The following SCN8A variants were observed in gnomAD, a reference collection of about 807,000 sequenced individuals.
SCN8A encodes the protein sodium voltage-gated channel alpha subunit 8.
A neutral mutation model predicts 184.1 loss-of-function variants in SCN8A; 30 were observed. The ratio of observed to expected loss-of-function variants is 0.16; its 90% CI spans 0.12 to 0.22. The LOEUF (loss-of-function observed/expected upper bound fraction) is 0.22. SCN8A is among the 10% of genes least tolerant of loss of function. The pLI, the probability that SCN8A is intolerant of heterozygous loss-of-function variation, is 1.00. For synonymous variants in SCN8A, 852 were observed against 907.0 expected (o/e 0.94, Z 1.09); for missense variants, 1,057 against 2,498.9 (o/e 0.42, Z 12.30).
rs116249781 is a variant in SCN8A, at chr12:51,681,320, C to T, written c.277-2854C>T. On this transcript the variant is annotated intron_variant, in intron 2 of 26. Transcript: ENST00000627620. ...TAACATGCTGCTCTTTGCTGCGTGA[C>T]CTTTGATAGGTGGTGTTCCTCTCCT... Among the ~76,000 whole-genome samples, 245 of 152,246 alleles carry T rather than the reference C, an allele frequency of 1.6e-3. 2 individuals are homozygous for T. Among genetic ancestry groups the T allele is most frequent in the African/African-American group, 5.8e-3 (239 of 41,546 alleles).
At chr12:51,778,238 T>C (rs1481000915) in intron 20 of SCN8A, among the ~76,000 whole-genome samples, 1 of 152,190 alleles carries the variant, frequency 6.6e-6, no homozygotes, top group African/African-American at 2.4e-5. Flanking sequence ...ACTGGTGGAT[T>C]ATGAGCACAT....
chr12:51,607,996 G>C (rs903107442), intron 1 of SCN8A, among the ~76,000 whole-genome samples: 4 of 151,182 alleles, frequency 2.6e-5, no homozygotes, highest in Non-Finnish European at 5.9e-5. Context: ...AGTGTCAAAA[G>C]GATTGGTACC....
intron 1 of SCN8A, among the ~76,000 whole-genome samples, chr12:51,603,576 A>T (rs1034817949): frequency 6.6e-6 from 1 of 152,214 alleles, no homozygotes. Flanking sequence ...TGGGTAATAT[A>T]GTAAGTGTAT....
rs770318443 is a variant in SCN8A, at chr12:51,687,072, C to G, written c.486-19C>G. ...GTTTCTGTCCAGAAATTACCTCAAGCTATTCATTTCTTTGACAGGTACACG... is the reference window on the plus strand; with the variant it reads ...GTTTCTGTCCAGAAATTACCTCAAGGTATTCATTTCTTTGACAGGTACACG... On this transcript the variant is annotated intron_variant, in intron 4 of 26. Transcript: ENST00000627620. 1.2e-6 allele frequency: 2 copies of G among 1,612,714 alleles called. No homozygotes were observed. Among genetic ancestry groups the G allele is most frequent in the South Asian group, 2.2e-5 (2 of 91,010 alleles).
At chr12:51,765,260 AT>A (rs907855226) in intron 15 of SCN8A, among the ~76,000 whole-genome samples, 1 of 151,582 alleles carries the variant, frequency 6.6e-6, no homozygotes, top group African/African-American at 2.4e-5. Flanking sequence ...AAGGAGATGG[AT>A]TTTTTTTTAA....
intron 25 of SCN8A, 130 bp downstream of exon 25, chr12:51,790,632 T>C: frequency 3.2e-6 from 2 of 617,066 alleles, no homozygotes; most frequent in Non-Finnish European, 5.7e-6. Flanking sequence ...TCACCACCCA[T>C]CCAAAAGATC....
chr12:51,676,989 C>A (rs1941232691), intron 2 of SCN8A, among the ~76,000 whole-genome samples: 1 of 152,168 alleles, frequency 6.6e-6, no homozygotes, highest in Non-Finnish European at 1.5e-5. Flanking sequence ...CTATGATATT[C>A]TCCACCCCTG....
intron 1 of SCN8A, among the ~76,000 whole-genome samples, chr12:51,612,838 C>T (rs1939751087): frequency 6.6e-6 from 1 of 152,154 alleles, no homozygotes; most frequent in African/African-American, 2.4e-5. Flanking sequence ...TCTCCTGCCT[C>T]AGCCTCCCGA....
At chr12:51,642,338 T>A (rs1940474174) in intron 1 of SCN8A, among the ~76,000 whole-genome samples, 1 of 152,254 alleles carries the variant, frequency 6.6e-6, no homozygotes, top group Non-Finnish European at 1.5e-5. Context: ...AAGCTGGATC[T>A]AGCAATATTT....
chr12:51,663,223 TGTG>T (rs1400730768), intron 2 of SCN8A, 130 bp downstream of exon 2: 19 of 1,091,406 alleles, frequency 1.7e-5, no homozygotes, highest in Non-Finnish European at 2.4e-5. Context: ...AGTTCTGGCT[TGTG>T]GGGATTATTT....
rs551382441 is a variant in SCN8A, at chr12:51,699,889, G to A, written c.928+98G>A. 3.4e-4 allele frequency: 340 copies of A among 1,011,148 alleles called. 1 individual carries two copies. Among genetic ancestry groups the A allele is most frequent in the East Asian group, 1.1e-3 (44 of 38,372 alleles). 62.6% of individuals were successfully genotyped at this position (1,011,148 alleles called of 1,614,324 possible). A position where few individuals can be genotyped will look rare whatever the true frequency, so the allele number is the denominator to read the frequency against. On this transcript the variant is annotated intron_variant, in intron 7 of 26. Coordinates refer to ENST00000627620, the MANE Select transcript of SCN8A (RefSeq NM_001330260.2). ...GGGCTTAAAAAAGTAGTTGGAGGCC[G>A]GGCGCGGTGGCTCACTCCTATAATC...
chr12:51,720,852 G>A (rs553848181), intron 11 of SCN8A, among the ~76,000 whole-genome samples: 34 of 151,746 alleles, frequency 2.2e-4, no homozygotes, highest in African/African-American at 8.0e-4. Context: ...GATCACCTGA[G>A]GTCAGGAGTT....
chr12:51,661,370 C>A (rs1323980430), intron 1 of SCN8A, among the ~76,000 whole-genome samples: 2 of 152,182 alleles, frequency 1.3e-5, no homozygotes, highest in Non-Finnish European at 2.9e-5. Flanking sequence ...TCTTTAGCCC[C>A]CTGCTGTGAG....
At chr12:51,594,233 C>T (rs537838604) in intron 1 of SCN8A, among the ~76,000 whole-genome samples, 9 of 152,280 alleles carry the variant, frequency 5.9e-5, no homozygotes, top group Admixed American at 2.6e-4. Context: ...GTAGCTCATT[C>T]CATTTGGATT....
chr12:51,787,787 C>G (rs1356257637), intron 22 of SCN8A, among the ~76,000 whole-genome samples: 3 of 152,206 alleles, frequency 2.0e-5, no homozygotes, highest in Non-Finnish European at 4.4e-5. Flanking sequence ...CACTCACTGT[C>G]AACTCATAGT....
chr12:51,593,264 A>G (rs150530396), intron 1 of SCN8A, among the ~76,000 whole-genome samples: 1 of 152,164 alleles, frequency 6.6e-6, no homozygotes, highest in Non-Finnish European at 1.5e-5. Flanking sequence ...AGAGGGCTGC[A>G]AGCATGTTCC....
chr12:51,761,719 A>C (rs1440042280), intron 14 of SCN8A, among the ~76,000 whole-genome samples: 2 of 151,634 alleles, frequency 1.3e-5, no homozygotes, highest in African/African-American at 4.8e-5. Flanking sequence ...AAACTCCTGG[A>C]CTCAAGTGAT....
At chr12:51,639,786 C>T (rs995063074) in intron 1 of SCN8A, among the ~76,000 whole-genome samples, 1 of 150,310 alleles carries the variant, frequency 6.7e-6, no homozygotes, top group Non-Finnish European at 1.5e-5. Flanking sequence ...CTAGACCCTC[C>T]ACTAGCAAAA....
At chr12:51,705,711 T>A in intron 10 of SCN8A, 88 bp downstream of exon 10, 1 of 1,198,288 alleles carries the variant, frequency 8.3e-7, no homozygotes, top group Non-Finnish European at 1.2e-6. Context: ...TGATCTTTTC[T>A]AGGCATATTT....
Sources: allele counts gnomAD v4.1 joint callset (sites outside exome capture counted in the v4.1 genomes callset), GRCh38; gene constraint gnomAD v4.1.1; transcripts MANE v1.5; gene names NCBI Gene and HGNC (gene_info 2026-07-23, HGNC 2026-07-21).